RBM5: variants seen among roughly 807,000 people sequenced by gnomAD.
The protein encoded by RBM5 is RNA binding motif protein 5.
In RBM5, 15 loss-of-function variants were observed where a neutral mutation model predicts 124.6. The observed-to-expected ratio is 0.12, with a 90% CI of 0.08 to 0.19. The LOEUF (loss-of-function observed/expected upper bound fraction) is 0.19. RBM5 is among the 10% of genes least tolerant of loss of function. RBM5 has a pLI of 1.00. For missense variants in RBM5, 580 were observed against 1,026.5 expected (o/e 0.57, Z 5.94); for synonymous variants, 337 against 361.2 (o/e 0.93, Z 0.76).
chr3:50,104,864 G>T, intron 8 of RBM5: 1 of 478,558 alleles, frequency 2.1e-6, no homozygotes, highest in Non-Finnish European at 3.8e-6. Flanking sequence ...TTTCTTTAGT[G>T]CAGGGTAGTG....
Position 50,110,663 on chromosome 3 carries a change from G to T in RBM5, c.1364-16G>T, listed in dbSNP as rs1455668840. Reference sequence around the variant, plus strand: ...TCTTACCTGGAATGACTGTATGCTGGATTTTGTTTTTGCAGCAGTACCTGA... The same window carrying T: ...TCTTACCTGGAATGACTGTATGCTGTATTTTGTTTTTGCAGCAGTACCTGA... On this transcript the variant is annotated splice_polypyrimidine_tract_variant and intron_variant, in intron 16 of 24. Transcript: ENST00000347869. 3 of 1,599,488 alleles carry T rather than the reference G, an allele frequency of 1.9e-6. No individual in the cohort carries two copies. The highest frequency in any genetic ancestry group is 1.7e-4 in the Middle Eastern group (1 of 6,034).
At position 50,100,233 on chromosome 3, in the gene RBM5, GT is replaced by G; in HGVS notation, c.409+186del. 1 of 618,778 alleles carries G rather than the reference GT, an allele frequency of 1.6e-6. No individual in the cohort carries two copies. Among genetic ancestry groups the G allele is most frequent in the Non-Finnish European group, 2.7e-6 (1 of 370,716 alleles). The allele number at this position is 618,778 out of a possible 1,614,324, so 38.3% of individuals were successfully genotyped here. ...CATCTGAGGAACTTTTTTAAACTTT[GT>G]TTTAGGGACTTTTTTTTCCTTAGGT... On this transcript the variant is annotated intron_variant, in intron 5 of 24. Coordinates refer to ENST00000347869, the MANE Select transcript of RBM5 (RefSeq NM_005778.4). This position sits in a 1 kb window ranked among gnomAD's most constrained non-coding sequence, Gnocchi z 5.1.
At position 50,118,466 on chromosome 3, in the gene RBM5, A is replaced by AGT. The variant is rs1291785421; in HGVS notation, c.*11_*12insTG. 6.2e-7 allele frequency: 1 copy of AGT among 1,612,392 alleles called. No individual in the cohort carries two copies. Among genetic ancestry groups the AGT allele is most frequent in the Non-Finnish European group, 8.5e-7 (1 of 1,179,016 alleles). On this transcript the variant is annotated 3_prime_UTR_variant, in exon 25 of 25. Coordinates refer to ENST00000347869, the MANE Select transcript of RBM5 (RefSeq NM_005778.4). ...CACTGAGATGGAGTGAGAGAGAGAG[A>AGT]GAGAGAGAGATGACAAGGAGCACAA...
At chr3:50,104,997 A>C in intron 8 of RBM5, 80 bp from the exon 9 acceptor site, 1 of 1,124,314 alleles carries the variant, frequency 8.9e-7, no homozygotes, top group African/African-American at 1.5e-5. Flanking sequence ...TTAAAATAAA[A>C]ACTTGTGGGG....
At chr3:50,103,204 T>C in intron 7 of RBM5, 38 bp downstream of exon 7, 1 of 1,463,724 alleles carries the variant, frequency 6.8e-7, no homozygotes. Flanking sequence ...AAAACTCCTT[T>C]AGGATATTGC....
chr3:50,099,937 G>A, intron 4 of RBM5, 45 bp from the exon 5 acceptor site: 1 of 1,554,378 alleles, frequency 6.4e-7, no homozygotes, highest in Non-Finnish European at 8.8e-7. Context: ...GGGGAATAGT[G>A]TGTGGCAAAA....
At chr3:50,115,329 T>G in intron 20 of RBM5, 99 bp from the exon 21 acceptor site, 4 of 1,352,684 alleles carry the variant, frequency 3.0e-6, no homozygotes, top group Non-Finnish European at 4.1e-6. Flanking sequence ...AATGGGGATT[T>G]GTTAACATTT....
intron 22 of RBM5, 54 bp downstream of exon 22, chr3:50,116,034 C>A: frequency 6.6e-7 from 1 of 1,515,274 alleles, no homozygotes; most frequent in Non-Finnish European, 9.2e-7. Context: ...TTGCCTTTAG[C>A]TTTTATTTGT....
intron 1 of RBM5, chr3:50,090,102 C>T (rs1042579712): frequency 1.3e-5 from 3 of 234,312 alleles, no homozygotes; most frequent in Non-Finnish European, 2.6e-5. Flanking sequence ...AAGGTAGGAG[C>T]AGGGAAGGAG....
chr3:50,098,098 A>G (rs541667872), intron 4 of RBM5, among the ~76,000 whole-genome samples: 1 of 152,182 alleles, frequency 6.6e-6, no homozygotes, highest in African/African-American at 2.4e-5. Flanking sequence ...CTCCATCTCA[A>G]AAAAATTTAA....
At chr3:50,107,404 G>C in intron 11 of RBM5, 78 bp from the exon 12 acceptor site, 1 of 1,134,344 alleles carries the variant, frequency 8.8e-7, no homozygotes, top group Non-Finnish European at 1.3e-6. Flanking sequence ...AGGGTGGAGT[G>C]AATCAGTTGG....
At chr3:50,091,043 A>C (rs1488410844) in intron 2 of RBM5, among the ~76,000 whole-genome samples, 2 of 152,260 alleles carry the variant, frequency 1.3e-5, no homozygotes, top group African/African-American at 4.8e-5. Context: ...CTATGGGTAC[A>C]TGCTCTCAGA....
intron 12 of RBM5, 62 bp downstream of exon 12, chr3:50,107,631 G>GATC: frequency 9.9e-7 from 1 of 1,012,336 alleles, no homozygotes; most frequent in South Asian, 1.3e-5. Flanking sequence ...TCACAGACGT[G>GATC]ACCTCTCCTG....
intron 22 of RBM5, chr3:50,116,564 G>A (rs901970349): frequency 5.7e-6 from 1 of 174,126 alleles, no homozygotes; most frequent in Admixed American, 5.4e-5. Context: ...TCCCACCTGA[G>A]ATATTTCTGA....
At position 50,092,089 on chromosome 3, in the gene RBM5, A is replaced by G; in HGVS notation, c.64A>G (p.Arg22Gly). ...RSGRYGSIIDRDDRDERESRS... is the reference protein window; with the variant it reads ...RSGRYGSIIDGDDRDERESRS... ...TGGAAGATACGGTTCCATCATAGAC[A>G]GGGATGACCGTGATGAGCGTGAATC... The change falls in exon 3 of 25, where the codon AGG becomes GGG. Residue 22 changes from arginine to glycine, a missense_variant. This residue lies in a region of RBM5 where 99 missense variants were observed against 121.1 expected (regional missense o/e 0.82). Transcript: ENST00000347869. 1 of 1,614,120 alleles carries G rather than the reference A, an allele frequency of 6.2e-7. No individual in the cohort carries two copies.
Position 50,117,829 on chromosome 3 carries a change from T to G in RBM5, c.2322+450T>G. ...TCACCCATGATAAGAAATCTTTAAA[T>G]TGATCAGAGCCCACATTGAGGCATC... On this transcript the variant is annotated intron_variant, in intron 24 of 24. Coordinates refer to ENST00000347869, the MANE Select transcript of RBM5 (RefSeq NM_005778.4). The surrounding 1 kb of genome is among the most constrained non-coding windows in gnomAD (Gnocchi z 4.2). 1 of 170,786 alleles carries G rather than the reference T, an allele frequency of 5.9e-6. No homozygotes were observed. Among genetic ancestry groups the G allele is most frequent in the Non-Finnish European group, 1.3e-5 (1 of 78,504 alleles). 10.6% of individuals were successfully genotyped at this position (170,786 alleles called of 1,614,324 possible). A position where few individuals can be genotyped will look rare whatever the true frequency, so the allele number is the denominator to read the frequency against.
intron 4 of RBM5, among the ~76,000 whole-genome samples, chr3:50,098,526 T>G (rs570486837): frequency 9.2e-4 from 140 of 152,136 alleles, no homozygotes; most frequent in Non-Finnish European, 1.5e-3. Flanking sequence ...CACTGCAACC[T>G]CCGCCTCCCG....
At chr3:50,089,364 C>A (rs2090658589) in intron 1 of RBM5, among the ~76,000 whole-genome samples, 1 of 152,230 alleles carries the variant, frequency 6.6e-6, no homozygotes, top group Non-Finnish European at 1.5e-5. Flanking sequence ...AGTCTCTGGC[C>A]GCCATCCCCC....
At position 50,113,376 on chromosome 3, in the gene RBM5, T is replaced by TTA. The variant is rs2091183756; in HGVS notation, c.1456-6_1456-5insAT. ...GCATTAATTGTTTTTTGTTTGTTGT[T>TTA]TTCTAGTACTACTATAATTCCTTGA... On this transcript the variant is annotated splice_region_variant and splice_polypyrimidine_tract_variant and intron_variant, in intron 17 of 24. Transcript: ENST00000347869. 1.2e-6 allele frequency: 2 copies of TTA among 1,600,556 alleles called. No homozygotes were observed. Among genetic ancestry groups the TTA allele is most frequent in the African/African-American group, 2.7e-5 (2 of 74,128 alleles).
Sources: allele counts gnomAD v4.1 joint callset (sites outside exome capture counted in the v4.1 genomes callset), GRCh38; gene constraint gnomAD v4.1.1; regional missense constraint gnomAD v4.1.1; non-coding constraint Gnocchi (gnomAD v3.1); transcripts MANE v1.5; gene names NCBI Gene and HGNC (gene_info 2026-07-23, HGNC 2026-07-21).